PICK1: variants seen among roughly 807,000 people sequenced by gnomAD.
The protein encoded by PICK1 is protein interacting with PRKCA 1.
In PICK1, 23 loss-of-function variants were observed where a neutral mutation model predicts 48.9. That is an observed-to-expected ratio of 0.47 (90% CI 0.34 to 0.67). PICK1 has a LOEUF of 0.67. Among genes scored for constraint, PICK1 ranks in the 30% least tolerant of loss-of-function variants. PICK1 has a pLI of 0.01. For synonymous variants in PICK1, 217 were observed against 228.2 expected (o/e 0.95, Z 0.44); for missense variants, 423 against 557.1 (o/e 0.76, Z 2.42).
chr22:38,060,369 C>T (rs1389660391), intron 3 of PICK1, among the ~76,000 whole-genome samples: 2 of 152,192 alleles, frequency 1.3e-5, no homozygotes, highest in African/African-American at 4.8e-5. Context: ...CACTGTAACT[C>T]AGGAGTGGTG....
chr22:38,067,946 C>T (rs1054277664), intron 5 of PICK1, 176 bp downstream of exon 5: 60 of 696,420 alleles, frequency 8.6e-5, no homozygotes, highest in African/African-American at 1.4e-4. Flanking sequence ...GGAGGCCTCC[C>T]GGTGCTCTCC....
intron 4 of PICK1, among the ~76,000 whole-genome samples, chr22:38,065,630 C>T (rs73419880): frequency 0.016 from 2,506 of 152,346 alleles, 71 homozygotes; most frequent in African/African-American, 0.055. Context: ...AGAGACCCCC[C>T]TCCCAGGCCA....
Position 38,064,896 on chromosome 22 carries a change from G to A in PICK1, c.154-106G>A. 4.4e-6 allele frequency: 6 copies of A among 1,353,090 alleles called. No individual in the cohort carries two copies. In the South Asian group the frequency reaches 7.0e-5, roughly 16 times the overall value. 83.8% of individuals were successfully genotyped at this position (1,353,090 alleles called of 1,614,324 possible). A position where few individuals can be genotyped will look rare whatever the true frequency, so the allele number is the denominator to read the frequency against. Reference sequence around the variant, plus strand: ...TGAGACGCTTTCTCAAAAAACGAGAGCAGAGGGTAGAGTGGAAGACAGAGC... The same window carrying A: ...TGAGACGCTTTCTCAAAAAACGAGAACAGAGGGTAGAGTGGAAGACAGAGC... On this transcript the variant is annotated intron_variant, in intron 3 of 12. Coordinates refer to ENST00000356976, the MANE Select transcript of PICK1 (RefSeq NM_012407.4).
In PICK1 at chr22:38,074,849, G is replaced by T; in HGVS notation, c.980-15G>T. Reference sequence around the variant, plus strand: ...CAGAGCCCACTGCAGCCTGTCCCCCGACCTCCCACCCCAGTCCAGGACATC... The same window carrying T: ...CAGAGCCCACTGCAGCCTGTCCCCCTACCTCCCACCCCAGTCCAGGACATC... On this transcript the variant is annotated splice_polypyrimidine_tract_variant and intron_variant, in intron 12 of 12. Transcript: ENST00000356976. The surrounding 1 kb of genome is among the most constrained non-coding windows in gnomAD (Gnocchi z 4.5). 6.2e-7 allele frequency: 1 copy of T among 1,609,268 alleles called. No homozygotes were observed. Among genetic ancestry groups the T allele is most frequent in the Non-Finnish European group, 8.5e-7 (1 of 1,179,870 alleles).
rs1288995197 is a variant in PICK1 at position 38,057,688 on chromosome 22, G to T, written c.-57-65G>T. On this transcript the variant is annotated intron_variant, in intron 1 of 12. Transcript: ENST00000356976. ...TCCCGTATGAGGTGGTGGAGGGAGGGGTGGCGTTGGCATTTAGGCACTTGG... is the reference window on the plus strand; with the variant it reads ...TCCCGTATGAGGTGGTGGAGGGAGGTGTGGCGTTGGCATTTAGGCACTTGG... The T allele has an allele frequency of 5.1e-6, 4 of 788,248 alleles. No homozygotes were observed. The African/African-American group carries it at 6.8e-5, about 13-fold the overall frequency. 48.8% of individuals were successfully genotyped at this position (788,248 alleles called of 1,614,324 possible). A position where few individuals can be genotyped will look rare whatever the true frequency, so the allele number is the denominator to read the frequency against.
chr22:38,058,130 A>G lies in PICK1; in HGVS notation c.41+280A>G, dbSNP rs535073950. The G allele has an allele frequency of 2.7e-5, 14 of 517,040 alleles. No homozygotes were observed. The South Asian group carries it at 3.1e-4, about 11-fold the overall frequency. The allele number at this position is 517,040 out of a possible 1,614,324, so 32.0% of individuals were successfully genotyped here. On this transcript the variant is annotated intron_variant, in intron 2 of 12. Transcript: ENST00000356976. ...AGTGCTTCTGCTGGGATGGTCAAGG[A>G]AAGCTTCATGGAGGACGTAGCAATT... is the stretch of plus-strand genomic sequence containing the variant.
At chr22:38,071,896 CGGGGAACATCTAGATCAGCT>C (rs2085706140) in intron 8 of PICK1, 152 bp downstream of exon 8, 1 of 717,648 alleles carries the variant, frequency 1.4e-6, no homozygotes, top group Non-Finnish European at 2.5e-6. Context: ...GATGGGCCTG[CGGGGAACATCTAGATCAGCT>C]GGTCTCTTAA....
intron 4 of PICK1, chr22:38,067,327 TGAG>T: frequency 3.6e-5 from 7 of 193,394 alleles, no homozygotes; most frequent in East Asian, 1.3e-4. Flanking sequence ...TTTTTTTTTT[TGAG>T]ACAGAATCTC....
In PICK1 at chr22:38,073,831, T is replaced by C. The variant is rs369931946; in HGVS notation, c.834+8T>C. ...GAGGAATACAGCTGCATTGTGAGTGTTGGAGGGGGTGGGGGGCTTGTACTT... is the reference window on the plus strand; with the variant it reads ...GAGGAATACAGCTGCATTGTGAGTGCTGGAGGGGGTGGGGGGCTTGTACTT... On this transcript the variant is annotated splice_region_variant and intron_variant, in intron 11 of 12. Transcript: ENST00000356976. The surrounding 1 kb of genome is among the most constrained non-coding windows in gnomAD (Gnocchi z 5.7). The C allele has an allele frequency of 4.3e-6, 7 of 1,612,920 alleles. No individual in the cohort carries two copies. Among genetic ancestry groups the C allele is most frequent in the African/African-American group, 2.7e-5 (2 of 74,868 alleles).
chr22:38,073,864 C>A lies in PICK1; in HGVS notation c.834+41C>A. 6.3e-7 allele frequency: 1 copy of A among 1,597,424 alleles called. No homozygotes were observed. The highest frequency in any genetic ancestry group is 8.6e-7 in the Non-Finnish European group (1 of 1,165,544). On this transcript the variant is annotated intron_variant, in intron 11 of 12. Coordinates refer to ENST00000356976, the MANE Select transcript of PICK1 (RefSeq NM_012407.4). This position sits in a 1 kb window ranked among gnomAD's most constrained non-coding sequence, Gnocchi z 5.7. ...GGTGGGGGGCTTGTACTTCCCCCCA[C>A]CTGGTCTGCCAGGGATAGCAGGTGG...
chr22:38,060,770 A>G (rs1291112853), intron 3 of PICK1, among the ~76,000 whole-genome samples: 1 of 145,954 alleles, frequency 6.9e-6, no homozygotes, highest in Non-Finnish European at 1.5e-5. Flanking sequence ...TTTTTTTGAG[A>G]CAGAGTCTCA....
intron 5 of PICK1, among the ~76,000 whole-genome samples, chr22:38,068,579 C>G (rs1177030194): frequency 6.6e-6 from 1 of 152,200 alleles, no homozygotes; most frequent in African/African-American, 2.4e-5. Flanking sequence ...TGGTCAGATG[C>G]AGTAACTGAG....
At chr22:38,064,755 C>T (rs901936262) in intron 3 of PICK1, among the ~76,000 whole-genome samples, 1 of 151,604 alleles carries the variant, frequency 6.6e-6, no homozygotes, top group Admixed American at 6.6e-5. Context: ...AGCGAAACGC[C>T]GACTCAAAAA....
intron 8 of PICK1, 115 bp downstream of exon 8, chr22:38,071,859 G>A (rs2085704538): frequency 3.3e-6 from 3 of 898,930 alleles, no homozygotes; most frequent in Non-Finnish European, 5.6e-6. Flanking sequence ...CTCTGGGCTG[G>A]GCCTGGTCCC....
chr22:38,068,153 C>T (rs1179100207), intron 5 of PICK1: 3 of 470,726 alleles, frequency 6.4e-6, no homozygotes, highest in East Asian at 6.8e-5. Context: ...CGCCTCATGC[C>T]CTCTAGCACA....
intron 5 of PICK1, 51 bp downstream of exon 5, chr22:38,067,821 C>A (rs1261589767): frequency 6.7e-7 from 1 of 1,493,688 alleles, no homozygotes; most frequent in Non-Finnish European, 9.3e-7. Flanking sequence ...CTGGATGGGC[C>A]CTGGCCCAAA....
intron 4 of PICK1, 69 bp from the exon 5 acceptor site, chr22:38,067,635 C>T: frequency 1.4e-6 from 2 of 1,387,968 alleles, no homozygotes; most frequent in Non-Finnish European, 2.1e-6. Flanking sequence ...CAGTCCAGAA[C>T]AGTCTTGGCT....
At position 38,066,167 on chromosome 22, in the gene PICK1, A is replaced by T. The variant is rs1234869456; in HGVS notation, c.282+1037A>T. On this transcript the variant is annotated intron_variant, in intron 4 of 12. Coordinates refer to ENST00000356976, the MANE Select transcript of PICK1 (RefSeq NM_012407.4). This position sits in a 1 kb window ranked among gnomAD's most constrained non-coding sequence, Gnocchi z 4.1. Reference sequence around the variant, plus strand: ...GGCTGGGGCTCAGAGCTCTGTTGTAAAAAAAGGAAGCAGCAAGGTTCATTG... The same window carrying T: ...GGCTGGGGCTCAGAGCTCTGTTGTATAAAAAGGAAGCAGCAAGGTTCATTG... Among the ~76,000 whole-genome samples the T allele has an allele frequency of 6.6e-6, 1 of 152,092 alleles. No homozygotes were observed. The highest frequency in any genetic ancestry group is 1.5e-5 in the Non-Finnish European group (1 of 68,020).
chr22:38,065,585 C>T (rs898076815), intron 4 of PICK1, among the ~76,000 whole-genome samples: 3 of 152,286 alleles, frequency 2.0e-5, no homozygotes, highest in East Asian at 1.9e-4. Flanking sequence ...TAGGAACTTT[C>T]GGTCCCACAC....
Sources: allele counts gnomAD v4.1 joint callset (sites outside exome capture counted in the v4.1 genomes callset), GRCh38; gene constraint gnomAD v4.1.1; non-coding constraint Gnocchi (gnomAD v3.1); transcripts MANE v1.5; gene names NCBI Gene and HGNC (gene_info 2026-07-23, HGNC 2026-07-21).